The following MPPED1 variants were observed in gnomAD, a reference collection of about 807,000 sequenced individuals.
The protein encoded by MPPED1 is metallophosphoesterase domain-containing protein 1.
A neutral mutation model predicts 36.2 loss-of-function variants in MPPED1; 16 were observed. That is an observed-to-expected ratio of 0.44 (90% CI 0.30 to 0.67). MPPED1 has a LOEUF of 0.67. Ranked by LOEUF, MPPED1 falls within the 30% of genes least tolerant of loss-of-function variation. The pLI is 0.10. For missense variants in MPPED1, 307 were observed against 453.4 expected (o/e 0.68, Z 2.93); for synonymous variants, 199 against 191.3 (o/e 1.04, Z -0.33).
intron 4 of MPPED1, among the ~76,000 whole-genome samples, chr22:43,495,700 G>A (rs1292200540): frequency 5.1e-5 from 3 of 58,696 alleles, no homozygotes; most frequent in Non-Finnish European, 3.0e-5. Flanking sequence ...TGGTGGAGGT[G>A]GTGATGGAGG....
In MPPED1 at chr22:43,433,079, G is replaced by A. The variant is rs567853169; in HGVS notation, c.225-1955G>A. ...TCAGCTGTGTGTGGGGGGGCGGCAG[G>A]GTATGTAGGTCACACCAGCTGTCTG... On this transcript the variant is annotated intron_variant, in intron 2 of 6. Coordinates refer to ENST00000443721, the MANE Select transcript of MPPED1 (RefSeq NM_001044370.2). Among the ~76,000 whole-genome samples, 3 of 152,190 alleles carry A rather than the reference G, an allele frequency of 2.0e-5. No homozygotes were observed. In the South Asian group the frequency reaches 6.2e-4, roughly 32 times the overall value.
intron 3 of MPPED1, among the ~76,000 whole-genome samples, chr22:43,469,073 T>A (rs1931271109): frequency 6.6e-6 from 1 of 152,034 alleles, no homozygotes. Flanking sequence ...TATGTTCTGG[T>A]CTCCAAGGTT....
At position 43,505,942 on chromosome 22, in the gene MPPED1, G is replaced by T. The variant is rs1028003172; in HGVS notation, c.*326G>T. ...ATTCTTCTCCCTTGGACGCCCTCCT[G>T]GTTTGGGAAGCTGCTGCTCTTGAAT... is the stretch of plus-strand genomic sequence containing the variant. On this transcript the variant is annotated 3_prime_UTR_variant, in exon 7 of 7. Transcript: ENST00000443721. The T allele has an allele frequency of 4.3e-6, 1 of 233,230 alleles. No individual in the cohort carries two copies. The allele number at this position is 233,230 out of a possible 1,614,324, so 14.4% of individuals were successfully genotyped here.
intron 1 of MPPED1, among the ~76,000 whole-genome samples, chr22:43,424,185 G>A (rs1929374107): frequency 6.6e-6 from 1 of 152,178 alleles, no homozygotes; most frequent in Non-Finnish European, 1.5e-5. Context: ...TAGGGTTCCC[G>A]AGATCCTTAC....
At chr22:43,426,290 T>C (rs1425066028) in intron 2 of MPPED1, among the ~76,000 whole-genome samples, 1 of 151,988 alleles carries the variant, frequency 6.6e-6, no homozygotes. Flanking sequence ...CATTGTCCCC[T>C]TGGCTGTTGT....
intron 2 of MPPED1, among the ~76,000 whole-genome samples, chr22:43,432,583 G>GA (rs2146829884): frequency 1.8e-5 from 1 of 56,816 alleles, no homozygotes. Context: ...AGGAGAGAGA[G>GA]GGAAAGAGGG....
chr22:43,495,309 T>C (rs1280752644), intron 4 of MPPED1, among the ~76,000 whole-genome samples: 2 of 138,516 alleles, frequency 1.4e-5, no homozygotes, highest in African/African-American at 5.5e-5. Flanking sequence ...GTGATGGTGG[T>C]GATGGTGGTG....
chr22:43,498,780 C>T (rs1932512897), intron 5 of MPPED1, among the ~76,000 whole-genome samples: 1 of 152,066 alleles, frequency 6.6e-6, no homozygotes, highest in Non-Finnish European at 1.5e-5. Flanking sequence ...AGACCACCTC[C>T]CATCTCTCCT....
chr22:43,471,625 G>T (rs1931380080), intron 3 of MPPED1, among the ~76,000 whole-genome samples: 1 of 152,192 alleles, frequency 6.6e-6, no homozygotes, highest in Non-Finnish European at 1.5e-5. Flanking sequence ...TGTCCTCCCG[G>T]ACCCACTACC....
At chr22:43,475,062 T>A in intron 4 of MPPED1, 101 bp downstream of exon 4, 1 of 1,056,806 alleles carries the variant, frequency 9.5e-7, no homozygotes, top group Admixed American at 2.0e-5. Flanking sequence ...GAGCTCCGGA[T>A]GCGAGGCTCA....
chr22:43,431,167 T>C (rs135075), intron 2 of MPPED1, among the ~76,000 whole-genome samples: 137,632 of 150,930 alleles, frequency 0.91, 62,952 homozygotes, highest in Middle Eastern at 0.99. Flanking sequence ...TCAGCCTCCA[T>C]AGTAGCTGAC....
In MPPED1 at chr22:43,474,483, C is replaced by T. The variant is rs1931478704; in HGVS notation, c.407-253C>T. 6.6e-6 allele frequency among the ~76,000 whole-genome samples: 1 copy of T among 152,252 alleles called. No individual in the cohort carries two copies. Among genetic ancestry groups the T allele is most frequent in the Admixed American group, 6.5e-5 (1 of 15,290 alleles). ...TGTCAGCGATTCCAGCAGCTTCCTC[C>T]TGCCCGCCCCTCTCTCAGCCATGCT... On this transcript the variant is annotated intron_variant, in intron 3 of 6. Coordinates refer to ENST00000443721, the MANE Select transcript of MPPED1 (RefSeq NM_001044370.2). The surrounding 1 kb of genome is among the most constrained non-coding windows in gnomAD (Gnocchi z 5.2).
Position 43,412,177 on chromosome 22 carries a change from G to T in MPPED1, c.-79+19G>T. The stretch of plus-strand genomic sequence containing the variant: ...GGGCCAGGTAGGACCGGAGGCGGGC[G>T]GGGCGCGGCGGGCGCGGGCGGGAGG... On this transcript the variant is annotated intron_variant, in intron 1 of 6. Transcript: ENST00000443721. The T allele has an allele frequency of 1.0e-6, 1 of 978,732 alleles. No individual in the cohort carries two copies. Among genetic ancestry groups the T allele is most frequent in the Non-Finnish European group, 1.2e-6 (1 of 826,462 alleles). 60.6% of individuals were successfully genotyped at this position (978,732 alleles called of 1,614,324 possible).
At chr22:43,426,324 G>A (rs1427190955) in intron 2 of MPPED1, among the ~76,000 whole-genome samples, 2 of 152,096 alleles carry the variant, frequency 1.3e-5, no homozygotes, top group Non-Finnish European at 1.5e-5. Context: ...CACTCTGGGT[G>A]CCCACCCCCA....
chr22:43,440,647 G>A (rs970327115), intron 3 of MPPED1, among the ~76,000 whole-genome samples: 3 of 152,128 alleles, frequency 2.0e-5, no homozygotes, highest in African/African-American at 7.2e-5. Context: ...ACTGGCAGGT[G>A]CCAGGCTGGC....
At chr22:43,415,225 CAAAAAA>C (rs34357060) in intron 1 of MPPED1, among the ~76,000 whole-genome samples, 2 of 49,414 alleles carry the variant, frequency 4.0e-5, no homozygotes, top group African/African-American at 1.6e-4. Flanking sequence ...ATGTCAAAAG[CAAAAAA>C]AAAAAAAAAA....
chr22:43,496,172 ATGG>A (rs1932338391), intron 4 of MPPED1, among the ~76,000 whole-genome samples: 1 of 3,436 alleles, frequency 2.9e-4, no homozygotes, highest in Admixed American at 3.5e-3. Flanking sequence ...GGAGGTGGTG[ATGG>A]TGGAGGTGGT....
At chr22:43,471,223 A>C (rs545432725) in intron 3 of MPPED1, among the ~76,000 whole-genome samples, 1 of 152,366 alleles carries the variant, frequency 6.6e-6, no homozygotes, top group South Asian at 2.1e-4. Context: ...ATACATGAGC[A>C]CTGGCTCTGC....
chr22:43,419,835 A>G (rs1461296516), intron 1 of MPPED1, among the ~76,000 whole-genome samples: 1 of 151,978 alleles, frequency 6.6e-6, no homozygotes, highest in Admixed American at 6.5e-5. Flanking sequence ...GTCAAATGGG[A>G]CCTGCTCCTT....
Sources: gnomAD v4.1 joint callset for allele counts (sites outside exome capture counted in the v4.1 genomes callset) on GRCh38, gnomAD v4.1.1 for gene constraint, Gnocchi (gnomAD v3.1) non-coding constraint, MANE v1.5 for transcripts, NCBI Gene and HGNC (gene_info 2026-07-23, HGNC 2026-07-21) for gene names.